Variants in LRRC49 observed in about 807,000 individuals in gnomAD.
LRRC49 encodes leucine rich repeat containing 49, also known as leucine-rich repeat-containing protein 49.
LRRC49 carries 50 observed loss-of-function variants against 83.3 expected under a neutral mutation model. The ratio of observed to expected loss-of-function variants is 0.60; its 90% CI spans 0.48 to 0.76. The LOEUF is 0.76. Ranked by LOEUF, LRRC49 falls within the 30% of genes least tolerant of loss-of-function variation. LRRC49 has a pLI of 0.00. For synonymous variants in LRRC49, 286 were observed against 283.3 expected (o/e 1.01, Z -0.10); for missense variants, 704 against 809.1 (o/e 0.87, Z 1.58).
intron 1 of LRRC49, among the ~76,000 whole-genome samples, chr15:70,870,953 T>TG (rs879548345): frequency 0.53 from 79,972 of 150,360 alleles, 22,467 homozygotes; most frequent in Admixed American, 0.69. Context: ...TAGTTTTTTT[T>TG]TTTTTTTTTT....
intron 7 of LRRC49, among the ~76,000 whole-genome samples, chr15:70,924,405 T>G (rs1175288997): frequency 1.3e-5 from 2 of 151,954 alleles, no homozygotes; most frequent in East Asian, 3.8e-4. Flanking sequence ...TCTGTCTTAT[T>G]TTGGGTTGAT....
At chr15:70,867,135 A>G (rs1186347730) in intron 1 of LRRC49, among the ~76,000 whole-genome samples, 2 of 150,842 alleles carry the variant, frequency 1.3e-5, no homozygotes. Context: ...CATTCCTTTC[A>G]CCCTCTTTGG....
chr15:70,953,030 G>T (rs1314037280), intron 8 of LRRC49, among the ~76,000 whole-genome samples: 1 of 152,022 alleles, frequency 6.6e-6, no homozygotes, highest in African/African-American at 2.4e-5. Context: ...GTTGTTACTT[G>T]TGAGATGTGT....
intron 7 of LRRC49, among the ~76,000 whole-genome samples, chr15:70,919,898 G>C (rs1453836053): frequency 6.6e-6 from 1 of 152,174 alleles, no homozygotes; most frequent in Non-Finnish European, 1.5e-5. Context: ...GGGGATTCTG[G>C]AACTCTGAGA....
At chr15:71,038,651 C>T (rs1449872996) in intron 15 of LRRC49, among the ~76,000 whole-genome samples, 1 of 152,128 alleles carries the variant, frequency 6.6e-6, no homozygotes, top group Non-Finnish European at 1.5e-5. Flanking sequence ...TGTTTCATGA[C>T]ATTGTTGTCT....
At chr15:70,915,139 A>C (rs2034713340) in intron 6 of LRRC49, among the ~76,000 whole-genome samples, 1 of 152,206 alleles carries the variant, frequency 6.6e-6, no homozygotes. Context: ...GACTTTGTCC[A>C]TGGCTGTAAC....
chr15:71,025,686 A>G (rs1206174080), intron 14 of LRRC49, among the ~76,000 whole-genome samples: 2 of 134,818 alleles, frequency 1.5e-5, no homozygotes, highest in African/African-American at 5.4e-5. Context: ...GATGGAGGAA[A>G]ATTTACCAAG....
At chr15:70,871,558 G>A (rs2033038471) in intron 1 of LRRC49, among the ~76,000 whole-genome samples, 2 of 151,422 alleles carry the variant, frequency 1.3e-5, no homozygotes, top group Non-Finnish European at 2.9e-5. Flanking sequence ...CCTCCCGAAC[G>A]GCGCGGCTGG....
At chr15:71,044,827 C>T (rs2039803564) in intron 15 of LRRC49, among the ~76,000 whole-genome samples, 1 of 146,994 alleles carries the variant, frequency 6.8e-6, no homozygotes, top group Admixed American at 6.8e-5. Context: ...CATTGGGAAA[C>T]AGAAGAAAAT....
In LRRC49 at chr15:70,855,605, T is replaced by C. The variant is rs950961496; in HGVS notation, c.-299+2136T>C. ...AGAACACCATGTATAGGGTCCTGGG[T>C]GTCTGGGCAGGGCTGGGGAGAGACC... is the stretch of plus-strand genomic sequence containing the variant. On this transcript the variant is annotated intron_variant, in intron 1 of 16. Transcript: ENST00000544974. 3.3e-5 allele frequency among the ~76,000 whole-genome samples: 5 copies of C among 152,160 alleles called. No homozygotes were observed. In the East Asian group the frequency reaches 9.6e-4, roughly 29 times the overall value.
At chr15:70,886,725 G>A (rs534676142) in intron 2 of LRRC49, among the ~76,000 whole-genome samples, 3 of 152,122 alleles carry the variant, frequency 2.0e-5, no homozygotes, top group Non-Finnish European at 4.4e-5. Flanking sequence ...AATTAGCTGG[G>A]TGCGGTGGCA....
chr15:71,039,557 T>G (rs2039634542), intron 15 of LRRC49, among the ~76,000 whole-genome samples: 2 of 152,214 alleles, frequency 1.3e-5, no homozygotes, highest in Admixed American at 1.3e-4. Flanking sequence ...CCCATATACT[T>G]TAAATCATTT....
upstream of LRRC49, among the ~76,000 whole-genome samples, chr15:70,888,657 G>A (rs757400527): frequency 3.9e-5 from 6 of 152,098 alleles, no homozygotes; most frequent in Non-Finnish European, 7.4e-5. Flanking sequence ...TACATCAAAA[G>A]ACATTATTAA....
chr15:71,014,987 T>A (rs1469364500), intron 14 of LRRC49, among the ~76,000 whole-genome samples: 2 of 152,204 alleles, frequency 1.3e-5, no homozygotes, highest in African/African-American at 4.8e-5. Flanking sequence ...GTTGAACATC[T>A]ATTAAACTGA....
At chr15:70,963,140 A>G (rs1463210866) in intron 8 of LRRC49, among the ~76,000 whole-genome samples, 2 of 151,696 alleles carry the variant, frequency 1.3e-5, no homozygotes, top group Non-Finnish European at 2.9e-5. Flanking sequence ...GCCAGGCATG[A>G]TGGTACATAC....
Position 70,968,052 on chromosome 15 carries a change from A to T in LRRC49, c.921+4120A>T, listed in dbSNP as rs765307667. ...TGTGCAGAATGTGCAGGTTTGTTAC[A>T]TAGGTATACAGGTGCCATGGTGGTT... On this transcript the variant is annotated intron_variant, in intron 9 of 15. Transcript: ENST00000260382. Among the ~76,000 whole-genome samples, 20 of 151,840 alleles carry T rather than the reference A, an allele frequency of 1.3e-4. 1 individual carries two copies. Among genetic ancestry groups the T allele is most frequent in the Non-Finnish European group, 1.9e-4 (13 of 67,972 alleles).
intron 2 of LRRC49, among the ~76,000 whole-genome samples, chr15:70,884,498 C>T (rs1470862008): frequency 6.6e-6 from 1 of 151,060 alleles, no homozygotes; most frequent in African/African-American, 2.4e-5. Flanking sequence ...CCAGCCTGGG[C>T]GACAGAGTGA....
chr15:71,028,566 A>T (rs962098396), intron 14 of LRRC49, among the ~76,000 whole-genome samples: 1 of 152,082 alleles, frequency 6.6e-6, no homozygotes, highest in Non-Finnish European at 1.5e-5. Flanking sequence ...CTGTGAATCC[A>T]TCTGGATCTG....
intron 8 of LRRC49, among the ~76,000 whole-genome samples, chr15:70,941,973 G>T (rs2035834726): frequency 6.6e-6 from 1 of 151,164 alleles, no homozygotes; most frequent in South Asian, 2.1e-4. Context: ...CAAACTCACA[G>T]GAAATTTTCC....
Sources: gnomAD v4.1 joint callset for allele counts (sites outside exome capture counted in the v4.1 genomes callset) on GRCh38, gnomAD v4.1.1 for gene constraint, MANE v1.5 for transcripts, NCBI Gene and HGNC (gene_info 2026-07-23, HGNC 2026-07-21) for gene names.